The following LUZP2 variants were observed in gnomAD, a reference collection of about 807,000 sequenced individuals.
The protein encoded by LUZP2 is leucine zipper protein 2.
Under a neutral mutation model 51.6 loss-of-function variants are expected in LUZP2, and 52 were observed. The ratio of observed to expected loss-of-function variants is 1.01; its 90% CI spans 0.81 to 1.27. The LOEUF is 1.27. Ranked by LOEUF, LUZP2 falls within the 50% of genes most tolerant of loss-of-function variation. The probability of loss-of-function intolerance (pLI) is 0.00; values close to 1 mark genes in which losing one functional copy is unlikely to be tolerated. For synonymous variants in LUZP2, 154 were observed against 137.3 expected (o/e 1.12, Z -0.85); for missense variants, 436 against 395.4 (o/e 1.10, Z -0.87).
intron 1 of LUZP2, among the ~76,000 whole-genome samples, chr11:24,684,495 T>C (rs1397618666): frequency 2.0e-5 from 3 of 152,198 alleles, no homozygotes; most frequent in Non-Finnish European, 4.4e-5. Context: ...TTTTTGTGGC[T>C]GTGGCAGATA....
At chr11:24,601,720 G>A (rs901915747) in intron 1 of LUZP2, among the ~76,000 whole-genome samples, 5 of 150,870 alleles carry the variant, frequency 3.3e-5, no homozygotes, top group South Asian at 2.1e-4. Context: ...TTTACTGCTA[G>A]CATTTACCAG....
At chr11:24,809,060 C>T (rs182889057) in intron 5 of LUZP2, among the ~76,000 whole-genome samples, 42 of 152,118 alleles carry the variant, frequency 2.8e-4, no homozygotes, top group Non-Finnish European at 2.6e-4. Flanking sequence ...TGGTCACTGT[C>T]ATATTTTCAT....
intron 5 of LUZP2, among the ~76,000 whole-genome samples, chr11:24,802,330 G>T (rs184189096): frequency 1.9e-3 from 284 of 152,026 alleles, no homozygotes; most frequent in Middle Eastern, 3.4e-3. Context: ...ATAGGTATTT[G>T]GGTAGCTTCC....
intron 5 of LUZP2, among the ~76,000 whole-genome samples, chr11:24,893,498 A>T (rs1852921431): frequency 1.3e-5 from 2 of 152,024 alleles, no homozygotes; most frequent in Middle Eastern, 3.2e-3. Context: ...CTCTTTAGGG[A>T]TATTAAATTT....
intron 9 of LUZP2, among the ~76,000 whole-genome samples, chr11:25,007,875 A>G (rs1446450920): frequency 6.6e-6 from 1 of 152,214 alleles, no homozygotes; most frequent in Non-Finnish European, 1.5e-5. Context: ...GTAAGTTAGT[A>G]CTAACATTGG....
At chr11:24,865,170 C>A (rs966119388) in intron 5 of LUZP2, among the ~76,000 whole-genome samples, 1 of 152,176 alleles carries the variant, frequency 6.6e-6, no homozygotes, top group African/African-American at 2.4e-5. Context: ...ACAGCTGTGC[C>A]ATGTACTACT....
chr11:24,926,287 A>G (rs1325679661), intron 7 of LUZP2, among the ~76,000 whole-genome samples: 3 of 120,942 alleles, frequency 2.5e-5, no homozygotes, highest in African/African-American at 6.8e-5. Flanking sequence ...ATATATATAT[A>G]CGTGTGTATA....
At chr11:25,054,212 G>T (rs116970687) in intron 10 of LUZP2, among the ~76,000 whole-genome samples, 206 of 152,248 alleles carry the variant, frequency 1.4e-3, no homozygotes, top group Non-Finnish European at 2.6e-3. Flanking sequence ...TTGATTATCA[G>T]TCTGTTCAGC....
intron 1 of LUZP2, among the ~76,000 whole-genome samples, chr11:24,651,191 G>T (rs1047366687): frequency 6.6e-6 from 1 of 151,904 alleles, no homozygotes; most frequent in African/African-American, 2.4e-5. Context: ...CTAACCAATG[G>T]GACCATAAAC....
At chr11:24,747,479 G>T (rs758027030) in intron 4 of LUZP2, among the ~76,000 whole-genome samples, 2 of 152,124 alleles carry the variant, frequency 1.3e-5, no homozygotes, top group African/African-American at 4.8e-5. Flanking sequence ...CTCTGTGAGG[G>T]TTCTTAGCTC....
intron 5 of LUZP2, among the ~76,000 whole-genome samples, chr11:24,875,635 G>C (rs1339495226): frequency 6.7e-6 from 1 of 150,140 alleles, no homozygotes; most frequent in South Asian, 2.1e-4. Flanking sequence ...GGATGGCTGG[G>C]TCAAATGGTA....
intron 5 of LUZP2, among the ~76,000 whole-genome samples, chr11:24,886,752 C>T (rs999823782): frequency 1.1e-4 from 17 of 152,094 alleles, no homozygotes; most frequent in Admixed American, 5.9e-4. Flanking sequence ...GAAATAAACA[C>T]ACATGGTTTA....
chr11:25,033,475 A>C (rs1278493600), intron 9 of LUZP2, among the ~76,000 whole-genome samples: 1 of 152,142 alleles, frequency 6.6e-6, no homozygotes, highest in African/African-American at 2.4e-5. Flanking sequence ...CGTTTGTTAC[A>C]TGGGAATATT....
chr11:24,797,517 A>G (rs1197710225), intron 5 of LUZP2, among the ~76,000 whole-genome samples: 1 of 152,176 alleles, frequency 6.6e-6, no homozygotes, highest in East Asian at 1.9e-4. Flanking sequence ...GACTTTAAAA[A>G]TCGTGTACAA....
intron 5 of LUZP2, among the ~76,000 whole-genome samples, chr11:24,810,756 A>G (rs1849994782): frequency 6.6e-6 from 1 of 152,190 alleles, no homozygotes; most frequent in Non-Finnish European, 1.5e-5. Flanking sequence ...CCTCAAAAGA[A>G]TAAATTAGGT....
intron 1 of LUZP2, among the ~76,000 whole-genome samples, chr11:24,580,891 AAT>A (rs1158775547): frequency 1.6e-4 from 25 of 152,230 alleles, no homozygotes; most frequent in Admixed American, 1.3e-3. Flanking sequence ...CCACTATAAA[AAT>A]AGTTTTATCT....
At chr11:24,681,555 A>G (rs933366285) in intron 1 of LUZP2, among the ~76,000 whole-genome samples, 7 of 152,198 alleles carry the variant, frequency 4.6e-5, no homozygotes, top group African/African-American at 1.4e-4. Context: ...GATTTTCAGT[A>G]TCACATATTG....
chr11:24,897,493 G>A (rs1273323739), intron 5 of LUZP2, among the ~76,000 whole-genome samples: 2 of 152,170 alleles, frequency 1.3e-5, no homozygotes, highest in South Asian at 2.1e-4. Context: ...CTCTGGACGG[G>A]AGGAACAAAC....
chr11:24,541,493 A>T (rs1851363716), intron 1 of LUZP2, among the ~76,000 whole-genome samples: 1 of 152,078 alleles, frequency 6.6e-6, no homozygotes. Flanking sequence ...GGGGCTGAGA[A>T]AAAGAAGTAG....
Sources: allele counts gnomAD v4.1 joint callset (sites outside exome capture counted in the v4.1 genomes callset), GRCh38; gene constraint gnomAD v4.1.1; transcripts MANE v1.5; gene names NCBI Gene and HGNC (gene_info 2026-07-23, HGNC 2026-07-21).